Variants in UNC13C observed in about 807,000 individuals in gnomAD.
The protein encoded by UNC13C is unc-13 homolog C, also known as protein unc-13 homolog C.
In UNC13C, 174 loss-of-function variants were observed where a neutral mutation model predicts 245.4. That is an observed-to-expected ratio of 0.71 (90% CI 0.63 to 0.80). The LOEUF (loss-of-function observed/expected upper bound fraction) is 0.80. UNC13C is among the 30% of genes least tolerant of loss of function. The pLI, the probability that UNC13C is intolerant of heterozygous loss-of-function variation, is 0.00. For missense variants in UNC13C, 2,829 were observed against 2,602.9 expected, an observed-to-expected ratio of 1.09 and a Z score of -1.89; for synonymous variants, 992 against 895.1, an observed-to-expected ratio of 1.11 and a Z score of -1.93.
intron 2 of UNC13C, among the ~76,000 whole-genome samples, chr15:54,111,364 C>A (rs892182164): frequency 2.6e-5 from 4 of 152,150 alleles, no homozygotes; most frequent in Non-Finnish European, 5.9e-5. Flanking sequence ...AATGCCAAAA[C>A]TCAATTGTTC....
chr15:53,992,577 C>T (rs896978241), intron 1 of UNC13C, among the ~76,000 whole-genome samples: 1 of 152,074 alleles, frequency 6.6e-6, no homozygotes. Context: ...GATGAATTAA[C>T]CCAGATGTCC....
chr15:54,445,826 G>C lies in UNC13C; in HGVS notation c.4933+30759G>C, dbSNP rs367632401. Among the ~76,000 whole-genome samples the C allele has an allele frequency of 4.6e-5, 7 of 152,268 alleles. 1 individual carries two copies. The highest frequency in any genetic ancestry group is 1.9e-4 in the East Asian group (1 of 5,188). Reference sequence around the variant, plus strand: ...ATCCCATTTGTCAAGTTTGGCTTTTGTTGCCATTGCTTTTGGTGTTTTAGA... The same window carrying C: ...ATCCCATTTGTCAAGTTTGGCTTTTCTTGCCATTGCTTTTGGTGTTTTAGA... On this transcript the variant is annotated intron_variant, in intron 19 of 32. Coordinates refer to ENST00000260323, the MANE Select transcript of UNC13C (RefSeq NM_001080534.3).
intron 30 of UNC13C, among the ~76,000 whole-genome samples, chr15:54,583,976 C>T (rs931429938): frequency 1.3e-5 from 2 of 152,186 alleles, no homozygotes; most frequent in African/African-American, 2.4e-5. Flanking sequence ...CTCTGGCTCC[C>T]CGTGGCCTCC....
the UNC13C span, among the ~76,000 whole-genome samples, chr15:53,879,802 G>C: frequency 6.6e-6 from 1 of 152,058 alleles, no homozygotes; most frequent in Non-Finnish European, 1.5e-5. Flanking sequence ...GGTCAGGCTG[G>C]TCTTGAACTC....
At chr15:54,495,125 T>C (rs1223013546) in intron 20 of UNC13C, among the ~76,000 whole-genome samples, 2 of 152,056 alleles carry the variant, frequency 1.3e-5, no homozygotes, top group African/African-American at 4.8e-5. Flanking sequence ...GAATTCATAT[T>C]TCTAAAAATA....
intron 2 of UNC13C, among the ~76,000 whole-genome samples, chr15:54,122,147 T>C (rs2030711996): frequency 6.6e-6 from 1 of 151,910 alleles, no homozygotes; most frequent in Admixed American, 6.6e-5. Flanking sequence ...TCTTATTTCA[T>C]TAGTTAGGGC....
At chr15:54,281,454 G>A (rs558739213) in intron 10 of UNC13C, among the ~76,000 whole-genome samples, 2 of 152,302 alleles carry the variant, frequency 1.3e-5, no homozygotes, top group African/African-American at 4.8e-5. Context: ...ATATGTAGTT[G>A]TATGTATTTT....
intron 17 of UNC13C, among the ~76,000 whole-genome samples, chr15:54,342,565 TAA>T (rs35987958): frequency 2.6e-4 from 39 of 147,776 alleles, no homozygotes; most frequent in East Asian, 7.9e-4. Flanking sequence ...TATCTCTATT[TAA>T]AAAAAAAAAA....
chr15:54,506,995 G>C (rs1894501372), intron 22 of UNC13C, 122 bp from the exon 23 acceptor site: 1 of 580,032 alleles, frequency 1.7e-6, no homozygotes, highest in Non-Finnish European at 2.9e-6. Flanking sequence ...TTGTTAGAGG[G>C]AGAAAAAAAT....
the UNC13C span, among the ~76,000 whole-genome samples, chr15:53,857,956 C>G: frequency 6.6e-6 from 1 of 152,122 alleles, no homozygotes; most frequent in African/African-American, 2.4e-5. Flanking sequence ...TTATTTCATT[C>G]CCTAAGGTAG....
At chr15:54,024,331 A>G (rs539638220) in intron 2 of UNC13C, among the ~76,000 whole-genome samples, 2 of 152,326 alleles carry the variant, frequency 1.3e-5, no homozygotes, top group African/African-American at 4.8e-5. Flanking sequence ...GGTACTAGAG[A>G]GGTTATCAAG....
chr15:54,380,120 GCTCT>G (rs757143459), intron 17 of UNC13C, among the ~76,000 whole-genome samples: 36 of 152,072 alleles, frequency 2.4e-4, no homozygotes, highest in South Asian at 1.0e-3. Context: ...TTGACCAACA[GCTCT>G]CTAAGCCCCC....
chr15:54,420,665 A>G (rs2040622275), intron 19 of UNC13C, among the ~76,000 whole-genome samples: 1 of 152,082 alleles, frequency 6.6e-6, no homozygotes, highest in South Asian at 2.1e-4. Context: ...AAACAAAAAT[A>G]ATAGTCAGTG....
intron 30 of UNC13C, among the ~76,000 whole-genome samples, chr15:54,596,351 G>A (rs1000509738): frequency 2.6e-5 from 4 of 151,956 alleles, no homozygotes; most frequent in African/African-American, 4.8e-5. Flanking sequence ...CAAGGAAGGT[G>A]ACTATGGAGG....
At chr15:54,235,723 C>A (rs1207427925) in intron 5 of UNC13C, among the ~76,000 whole-genome samples, 1 of 152,128 alleles carries the variant, frequency 6.6e-6, no homozygotes, top group East Asian at 1.9e-4. Flanking sequence ...TGGTTGTGGG[C>A]ACCTGTAGTC....
intron 20 of UNC13C, among the ~76,000 whole-genome samples, chr15:54,496,670 C>T (rs1893962681): frequency 1.3e-5 from 2 of 151,930 alleles, no homozygotes; most frequent in Non-Finnish European, 1.5e-5. Context: ...TTCACAGCAA[C>T]CTGGATGGAA....
chr15:54,493,036 T>C (rs1161032829), intron 19 of UNC13C, among the ~76,000 whole-genome samples: 1 of 152,224 alleles, frequency 6.6e-6, no homozygotes, highest in Non-Finnish European at 1.5e-5. Flanking sequence ...AGCTATTTAA[T>C]GATGAGTCTA....
At chr15:53,948,024 A>G in the UNC13C span, 1 of 152,236 alleles carries the variant, frequency 6.6e-6, no homozygotes, top group African/African-American at 2.4e-5. Flanking sequence ...TCAGTAGCGC[A>G]ATTAGGTGAA....
chr15:54,185,974 G>A (rs902546504), intron 4 of UNC13C, among the ~76,000 whole-genome samples: 1 of 151,722 alleles, frequency 6.6e-6, no homozygotes, highest in Non-Finnish European at 1.5e-5. Context: ...TCTCCTTGAA[G>A]AGGTCCTTCA....
Sources: gnomAD v4.1 joint callset for allele counts (sites outside exome capture counted in the v4.1 genomes callset) on GRCh38, gnomAD v4.1.1 for gene constraint, MANE v1.5 for transcripts, NCBI Gene and HGNC (gene_info 2026-07-23, HGNC 2026-07-21) for gene names.